Variants in CACNB4 observed in about 807,000 individuals in gnomAD.
CACNB4 encodes the protein voltage-dependent L-type calcium channel subunit beta-4.
In CACNB4, 32 loss-of-function variants were observed where a neutral mutation model predicts 71.2. The ratio of observed to expected loss-of-function variants is 0.45; its 90% CI spans 0.34 to 0.60. The LOEUF (loss-of-function observed/expected upper bound fraction) is 0.60. Among genes scored for constraint, CACNB4 ranks in the 20% least tolerant of loss-of-function variants. The pLI is 0.01. For synonymous variants in CACNB4, 231 were observed against 236.9 expected (o/e 0.97, Z 0.23); for missense variants, 464 against 647.9 (o/e 0.72, Z 3.08).
intron 10 of CACNB4, chr2:151,858,430 G>C (rs1392602825): frequency 6.6e-6 from 1 of 152,186 alleles, no homozygotes; most frequent in Non-Finnish European, 1.5e-5. Flanking sequence ...GAAGAAGGGG[G>C]TTTTGTGTAA....
At chr2:151,871,899 CTCT>C (rs1280820030) in intron 6 of CACNB4, 1 of 155,382 alleles carries the variant, frequency 6.4e-6, no homozygotes, top group Non-Finnish European at 1.4e-5. Flanking sequence ...CCACCAATAT[CTCT>C]TCATTACCAT....
At chr2:151,863,867 T>C (rs1013010623) in intron 9 of CACNB4, among the ~76,000 whole-genome samples, 15 of 152,130 alleles carry the variant, frequency 9.9e-5, no homozygotes, top group African/African-American at 3.6e-4. Context: ...TACACATGCA[T>C]AAAACAGAGC....
chr2:151,957,673 CA>C (rs1219578649), intron 2 of CACNB4, among the ~76,000 whole-genome samples: 1 of 152,036 alleles, frequency 6.6e-6, no homozygotes, highest in Non-Finnish European at 1.5e-5. Flanking sequence ...GAGCGTTTGC[CA>C]AAAATATGAA....
chr2:151,888,412 T>A (rs4664067), intron 2 of CACNB4, among the ~76,000 whole-genome samples: 66,883 of 151,070 alleles, frequency 0.44, 16,172 homozygotes, highest in East Asian at 0.79. Flanking sequence ...AAATAAATTT[T>A]AAAAAAAAAT....
At position 151,853,455 on chromosome 2, in the gene CACNB4, C is replaced by T; in HGVS notation, c.1109G>A (p.Cys370Tyr). Residue 370 changes from cysteine (C) to tyrosine (Y), a missense_variant, in exon 12 of 14, where the codon TGC (cysteine) becomes TAC (tyrosine). By Grantham distance (194) the Cys-to-Tyr change is radical. Around this residue, in one of 3 missense-constraint regions of CACNB4, gnomAD observed 299 missense variants for 471.7 expected, o/e 0.63. Coordinates refer to ENST00000539935, the MANE Select transcript of CACNB4 (RefSeq NM_000726.5). ...AAAAATGATCATACTTACTGGGGGG[C>T]ATTGTGCAAGTTTATCAGCTGCCAC... ...QLVAADKLAQ[C>Y]PPEMFDVILD... 6.3e-7 allele frequency: 1 copy of T among 1,585,440 alleles called. No individual in the cohort carries two copies. Among genetic ancestry groups the T allele is most frequent in the Non-Finnish European group, 8.6e-7 (1 of 1,163,804 alleles).
At chr2:151,847,078 T>C (rs963107758) in intron 12 of CACNB4, among the ~76,000 whole-genome samples, 7 of 118,606 alleles carry the variant, frequency 5.9e-5, no homozygotes, top group East Asian at 2.3e-4. Flanking sequence ...TTGTAAAATA[T>C]AGAGACCCTG....
chr2:152,016,610 G>A (rs914458258), intron 2 of CACNB4, among the ~76,000 whole-genome samples: 2 of 152,118 alleles, frequency 1.3e-5, no homozygotes, highest in African/African-American at 4.8e-5. Context: ...CAAGAGATAG[G>A]AGCAATGTTG....
At chr2:152,097,066 C>T (rs13415898) in intron 2 of CACNB4, among the ~76,000 whole-genome samples, 4 of 152,066 alleles carry the variant, frequency 2.6e-5, no homozygotes, top group African/African-American at 9.7e-5. Context: ...ATAGAATGCA[C>T]TTTTAGAATG....
At chr2:151,869,422 A>AC (rs1263070556) in intron 8 of CACNB4, 187 bp from the exon 9 acceptor site, 5 of 532,712 alleles carry the variant, frequency 9.4e-6, no homozygotes. Flanking sequence ...GCTAATTTCC[A>AC]CCCCCCTTGG....
chr2:151,907,276 T>A (rs1311560363), intron 2 of CACNB4, among the ~76,000 whole-genome samples: 1 of 152,220 alleles, frequency 6.6e-6, no homozygotes, highest in African/African-American at 2.4e-5. Context: ...ATACAAAAGC[T>A]TTAGTTTATG....
At position 151,844,582 on chromosome 2, in the gene CACNB4, A is replaced by G. The variant is rs962148953; in HGVS notation, c.1117-2494T>C. The stretch of plus-strand genomic sequence containing the variant: ...GGAATTCCTTGTCTCTTGCAATCAA[A>G]AGCCCCTCCCCAACTCATGTAAAAG... On this transcript the variant is annotated intron_variant, in intron 12 of 13. Coordinates refer to ENST00000539935, the MANE Select transcript of CACNB4 (RefSeq NM_000726.5). Among the ~76,000 whole-genome samples, 16 of 152,164 alleles carry G rather than the reference A, an allele frequency of 1.1e-4. 1 individual carries two copies. Among genetic ancestry groups the G allele is most frequent in the African/African-American group, 3.1e-4 (13 of 41,444 alleles).
chr2:152,033,560 G>A (rs1381031206), intron 2 of CACNB4, among the ~76,000 whole-genome samples: 2 of 152,138 alleles, frequency 1.3e-5, no homozygotes, highest in Admixed American at 6.6e-5. Context: ...TGTGATCTGG[G>A]TAAATACCAT....
chr2:152,032,134 T>G (rs1228660649), intron 2 of CACNB4, among the ~76,000 whole-genome samples: 1 of 152,186 alleles, frequency 6.6e-6, no homozygotes, highest in East Asian at 1.9e-4. Context: ...CCAAGTCTGA[T>G]TTTTTCAGAC....
chr2:152,048,434 A>C (rs1165649991), intron 2 of CACNB4: 3 of 152,360 alleles, frequency 2.0e-5, no homozygotes, highest in African/African-American at 7.2e-5. Context: ...GCAGAATCCA[A>C]GGGAGAAAGA....
At chr2:152,083,470 A>T (rs1420732013) in intron 2 of CACNB4, among the ~76,000 whole-genome samples, 1 of 152,162 alleles carries the variant, frequency 6.6e-6, no homozygotes, top group Admixed American at 6.6e-5. Context: ...GATCGTGGAT[A>T]AATGGGAGAT....
At chr2:151,885,204 T>C (rs748272565) in intron 2 of CACNB4, among the ~76,000 whole-genome samples, 3 of 152,246 alleles carry the variant, frequency 2.0e-5, no homozygotes, top group South Asian at 2.1e-4. Flanking sequence ...GAAAACTTTA[T>C]AGAAGTTACT....
intron 2 of CACNB4, among the ~76,000 whole-genome samples, chr2:152,021,696 A>G (rs1448356799): frequency 6.6e-6 from 1 of 152,250 alleles, no homozygotes; most frequent in Admixed American, 6.5e-5. Context: ...TAAAAATACC[A>G]TTAGATTTAG....
In CACNB4 at chr2:151,833,256, A is replaced by AT. The variant is rs1431478996; in HGVS notation, c.*5862dup. 1 of 152,098 alleles carries AT rather than the reference A, an allele frequency of 6.6e-6. No individual in the cohort carries two copies. Among genetic ancestry groups the AT allele is most frequent in the East Asian group, 1.9e-4 (1 of 5,204 alleles). 9.4% of individuals were successfully genotyped at this position (152,098 alleles called of 1,614,324 possible). A position where few individuals can be genotyped will look rare whatever the true frequency, so the allele number is the denominator to read the frequency against. On this transcript the variant is annotated 3_prime_UTR_variant, in exon 14 of 14. Transcript: ENST00000539935. ...TAGTATGTTTTATGTTAATACATTTATTTTTTATTCCTTCCCACCATCCCT... is the reference window on the plus strand; with the variant it reads ...TAGTATGTTTTATGTTAATACATTTATTTTTTTATTCCTTCCCACCATCCCT...
chr2:151,943,258 A>G (rs749092880), intron 2 of CACNB4, among the ~76,000 whole-genome samples: 1 of 152,226 alleles, frequency 6.6e-6, no homozygotes, highest in Non-Finnish European at 1.5e-5. Flanking sequence ...AATAGAAAGA[A>G]CCTACGTTGA....
Sources: gnomAD v4.1 joint callset for allele counts (sites outside exome capture counted in the v4.1 genomes callset) on GRCh38, gnomAD v4.1.1 for gene constraint, gnomAD v4.1.1 regional missense constraint, MANE v1.5 for transcripts, NCBI Gene and HGNC (gene_info 2026-07-23, HGNC 2026-07-21) for gene names.